CD200R1L: variants seen among roughly 807,000 people sequenced by gnomAD.
CD200R1L encodes CD200 receptor 1 like, also known as cell surface glycoprotein CD200 receptor 2.
In CD200R1L, 14 loss-of-function variants were observed where a neutral mutation model predicts 24.8. The ratio of observed to expected loss-of-function variants is 0.56; its 90% CI spans 0.37 to 0.88. The LOEUF (loss-of-function observed/expected upper bound fraction) is 0.88, where lower values mean the gene tolerates loss of function less well. CD200R1L is among the 40% of genes least tolerant of loss of function. The pLI is 0.00. For synonymous variants in CD200R1L, 111 were observed against 109.2 expected (o/e 1.02, Z -0.11); for missense variants, 299 against 297.8 (o/e 1.00, Z -0.03).
intron 3 of CD200R1L, among the ~76,000 whole-genome samples, chr3:112,834,815 G>A (rs1335902483): frequency 2.0e-5 from 3 of 152,358 alleles, no homozygotes; most frequent in Middle Eastern, 3.4e-3. Context: ...ACCTGCAGAG[G>A]AGTGGGCAGC....
chr3:112,839,215 G>A (rs1008650892), intron 2 of CD200R1L, among the ~76,000 whole-genome samples: 5 of 152,086 alleles, frequency 3.3e-5, no homozygotes, highest in African/African-American at 9.7e-5. Flanking sequence ...GAATTGTTTC[G>A]GGGTTTTCTG....
intron 2 of CD200R1L, 41 bp from the exon 3 acceptor site, chr3:112,838,051 A>C: frequency 1.1e-6 from 1 of 878,960 alleles, no homozygotes; most frequent in Non-Finnish European, 1.6e-6. Flanking sequence ...AAAATTAAGA[A>C]CTTTTCTTTA....
In CD200R1L at chr3:112,838,799, T is replaced by C. The variant is rs369551842; in HGVS notation, c.-86-789A>G. On this transcript the variant is annotated intron_variant, in intron 2 of 7. Transcript: ENST00000488794. ...TGCTGTGAAGGTATTTTGTATGTGATTAATAACTACAATCAGTTGATTTTA... is the reference window on the plus strand; with the variant it reads ...TGCTGTGAAGGTATTTTGTATGTGACTAATAACTACAATCAGTTGATTTTA... 1.1e-3 allele frequency among the ~76,000 whole-genome samples: 160 copies of C among 152,310 alleles called. 4 individuals are homozygous for C. In the South Asian group the frequency reaches 0.031, roughly 29 times the overall value.
At chr3:112,844,647 C>T (rs933169172) in intron 2 of CD200R1L, among the ~76,000 whole-genome samples, 4 of 152,172 alleles carry the variant, frequency 2.6e-5, no homozygotes, top group African/African-American at 4.8e-5. Flanking sequence ...CTAGAAAAGG[C>T]CGCGCGTGGT....
At chr3:112,833,980 T>G (rs1236221670) in intron 3 of CD200R1L, among the ~76,000 whole-genome samples, 1 of 152,222 alleles carries the variant, frequency 6.6e-6, no homozygotes, top group East Asian at 1.9e-4. Flanking sequence ...GTCAGAGACC[T>G]GGAAGAGTCA....
At chr3:112,834,046 G>C (rs1938873671) in intron 3 of CD200R1L, among the ~76,000 whole-genome samples, 1 of 152,176 alleles carries the variant, frequency 6.6e-6, no homozygotes, top group African/African-American at 2.4e-5. Flanking sequence ...GATGCATTCA[G>C]AAATTGCCAG....
intron 7 of CD200R1L, among the ~76,000 whole-genome samples, chr3:112,816,908 T>C (rs1156552671): frequency 6.6e-6 from 1 of 152,178 alleles, no homozygotes; most frequent in Non-Finnish European, 1.5e-5. Context: ...TCTTTGCCTG[T>C]CACCATGTAA....
At chr3:112,839,332 G>A (rs1317566717) in intron 2 of CD200R1L, among the ~76,000 whole-genome samples, 2 of 152,206 alleles carry the variant, frequency 1.3e-5, no homozygotes, top group African/African-American at 4.8e-5. Flanking sequence ...AGAGATATGC[G>A]AAAATGTCAC....
chr3:112,833,903 A>G (rs1470548661), intron 3 of CD200R1L, among the ~76,000 whole-genome samples: 2 of 152,216 alleles, frequency 1.3e-5, no homozygotes, highest in Admixed American at 1.3e-4. Flanking sequence ...CACTCAAGTA[A>G]GAAATGTAAT....
chr3:112,829,592 A>T (rs1250505689), intron 3 of CD200R1L: 13 of 907,206 alleles, frequency 1.4e-5, no homozygotes, highest in African/African-American at 3.6e-5. Flanking sequence ...ACTTATAAGC[A>T]ATTGATAATG....
intron 2 of CD200R1L, among the ~76,000 whole-genome samples, chr3:112,843,746 C>T (rs535137958): frequency 1.3e-5 from 2 of 152,280 alleles, no homozygotes; most frequent in African/African-American, 2.4e-5. Context: ...TTAAAAGGCA[C>T]AGAGTGGCAA....
chr3:112,831,913 C>A (rs1938810170), intron 3 of CD200R1L, among the ~76,000 whole-genome samples: 1 of 152,166 alleles, frequency 6.6e-6, no homozygotes, highest in Non-Finnish European at 1.5e-5. Flanking sequence ...GCTAAGGCAC[C>A]AGTAATTTTA....
intron 1 of CD200R1L, among the ~76,000 whole-genome samples, 166 bp downstream of exon 1, chr3:112,846,459 A>G (rs1939202828): frequency 6.6e-6 from 1 of 152,184 alleles, no homozygotes; most frequent in South Asian, 2.1e-4. Context: ...TTTTGTACAT[A>G]ATTTTTGGTC....
chr3:112,839,161 C>T (rs1055268274), intron 2 of CD200R1L, among the ~76,000 whole-genome samples: 3 of 152,080 alleles, frequency 2.0e-5, no homozygotes, highest in African/African-American at 7.2e-5. Context: ...GATTTGGTAC[C>T]ATAAGTGGTC....
intron 2 of CD200R1L, among the ~76,000 whole-genome samples, chr3:112,844,734 G>A (rs1939161453): frequency 6.6e-6 from 1 of 152,080 alleles, no homozygotes; most frequent in Non-Finnish European, 1.5e-5. Flanking sequence ...GACCAGCCTG[G>A]CCAGTATGGT....
At chr3:112,845,031 A>G (rs1332656172) in intron 2 of CD200R1L, among the ~76,000 whole-genome samples, 2 of 152,188 alleles carry the variant, frequency 1.3e-5, no homozygotes, top group Non-Finnish European at 2.9e-5. Context: ...ATAAATCACT[A>G]AAATCAGAGC....
chr3:112,818,112 CAAGTTGAG>C (rs1938440550), intron 7 of CD200R1L, among the ~76,000 whole-genome samples: 1 of 152,194 alleles, frequency 6.6e-6, no homozygotes, highest in Non-Finnish European at 1.5e-5. Flanking sequence ...AGATACAATT[CAAGTTGAG>C]ATTTTTGTGG....
intron 7 of CD200R1L, among the ~76,000 whole-genome samples, chr3:112,818,057 A>G (rs1281589263): frequency 1.3e-5 from 2 of 152,204 alleles, no homozygotes; most frequent in African/African-American, 2.4e-5. Flanking sequence ...TCATGATTCA[A>G]TTACTTCCCT....
intron 6 of CD200R1L, among the ~76,000 whole-genome samples, chr3:112,823,565 T>C (rs1938592089): frequency 6.6e-6 from 1 of 151,686 alleles, no homozygotes. Flanking sequence ...CTCACACACA[T>C]TTGGTGTCAG....
Sources: allele counts gnomAD v4.1 joint callset (sites outside exome capture counted in the v4.1 genomes callset), GRCh38; gene constraint gnomAD v4.1.1; transcripts MANE v1.5; gene names NCBI Gene and HGNC (gene_info 2026-07-23, HGNC 2026-07-21).